PDE12: variants seen among roughly 807,000 people sequenced by gnomAD.
The protein encoded by PDE12 is phosphodiesterase 12.
A neutral mutation model predicts 45.4 loss-of-function variants in PDE12; 26 were observed. The observed-to-expected ratio is 0.57, with a 90% CI of 0.42 to 0.79. The LOEUF is 0.79. Among genes scored for constraint, PDE12 ranks in the 30% least tolerant of loss-of-function variants. The probability of loss-of-function intolerance (pLI) is 0.00; values close to 1 mark genes in which losing one functional copy is unlikely to be tolerated. For missense variants in PDE12, 668 were observed against 790.0 expected, an observed-to-expected ratio of 0.85 and a Z score of 1.85; for synonymous variants, 283 against 323.9, an observed-to-expected ratio of 0.87 and a Z score of 1.36.
chr3:57,570,219 G>GTTTTTTTTTTTTTTTTTTTTTTTTTT (rs34599005), downstream of PDE12, among the ~76,000 whole-genome samples: 3 of 102,312 alleles, frequency 2.9e-5, no homozygotes, highest in African/African-American at 1.2e-4. Flanking sequence ...TTAATCCAGT[G>GTTTTTTTTTTTTTTTTTTTTTTTTTT]TTTTTTTTTT....
the PDE12 span, chr3:57,596,857 G>A: frequency 5.1e-3 from 2,756 of 540,244 alleles, 36 homozygotes; most frequent in African/African-American, 0.031. Context: ...AATCTTGCCC[G>A]AAGCCCTGTC....
the PDE12 span, among the ~76,000 whole-genome samples, chr3:57,593,320 G>A: frequency 6.6e-6 from 1 of 152,052 alleles, no homozygotes; most frequent in African/African-American, 2.4e-5. Flanking sequence ...GTAACAGAAG[G>A]AACACATACT....
At chr3:57,641,736 A>G in the PDE12 span, 11 of 1,613,210 alleles carry the variant, frequency 6.8e-6, no homozygotes, top group Non-Finnish European at 9.3e-6. Context: ...TACTCCTAAT[A>G]TAACTGAGGG....
the PDE12 span, among the ~76,000 whole-genome samples, chr3:57,645,226 G>A: frequency 2.6e-5 from 4 of 152,096 alleles, no homozygotes; most frequent in African/African-American, 9.7e-5. Flanking sequence ...ACTTTGTGAG[G>A]CTGAGGCAGG....
the PDE12 span, among the ~76,000 whole-genome samples, chr3:57,593,985 A>G: frequency 3.5e-4 from 54 of 152,276 alleles, no homozygotes; most frequent in South Asian, 0.01. Flanking sequence ...GCTGGGTGTG[A>G]TGGCTCATGC....
chr3:57,574,686 T>C, the PDE12 span, among the ~76,000 whole-genome samples: 1 of 151,952 alleles, frequency 6.6e-6, no homozygotes, highest in East Asian at 1.9e-4. Flanking sequence ...GGATTACGGG[T>C]GTGAGCCGTG....
chr3:57,576,492 GT>G, the PDE12 span, among the ~76,000 whole-genome samples: 1 of 144,336 alleles, frequency 6.9e-6, no homozygotes, highest in African/African-American at 2.6e-5. Flanking sequence ...TGTGAAGTAT[GT>G]CTCAACCAAG....
chr3:57,634,412 G>A, the PDE12 span: 1 of 356,536 alleles, frequency 2.8e-6, no homozygotes, highest in East Asian at 4.9e-5. Context: ...CAGCCTGGGT[G>A]ATAGAGTGAG....
At chr3:57,629,376 T>G in the PDE12 span, among the ~76,000 whole-genome samples, 2 of 152,116 alleles carry the variant, frequency 1.3e-5, no homozygotes, top group South Asian at 2.1e-4. Flanking sequence ...AGTAGAAAGT[T>G]AACACTGAGG....
chr3:57,632,157 C>T, the PDE12 span, among the ~76,000 whole-genome samples: 1 of 149,752 alleles, frequency 6.7e-6, no homozygotes, highest in Non-Finnish European at 1.5e-5. Flanking sequence ...GCAGCTGGGA[C>T]TACAGGTGCG....
At chr3:57,643,949 G>A in the PDE12 span, among the ~76,000 whole-genome samples, 3 of 151,266 alleles carry the variant, frequency 2.0e-5, no homozygotes, top group Non-Finnish European at 2.9e-5. Flanking sequence ...AGGAGTTCAA[G>A]ACCAGTCTGG....
At position 57,556,323 on chromosome 3, in the gene PDE12, C is replaced by T. The variant is rs2069656902; in HGVS notation, c.-57C>T. Reference sequence around the variant, plus strand: ...GGCGGCCTCGGCTCCTCAGCTCCACCTGACAGTAGGCCGCTGATCGGCCGC... The same window carrying T: ...GGCGGCCTCGGCTCCTCAGCTCCACTTGACAGTAGGCCGCTGATCGGCCGC... On this transcript the variant is annotated 5_prime_UTR_variant, in exon 1 of 3. Transcript: ENST00000311180. The surrounding 1 kb of genome is among the most constrained non-coding windows in gnomAD (Gnocchi z 5.0). 1.3e-5 allele frequency: 19 copies of T among 1,489,510 alleles called. No individual in the cohort carries two copies. The highest frequency in any genetic ancestry group is 2.6e-5 in the South Asian group (2 of 78,018). 92.3% of individuals were successfully genotyped at this position (1,489,510 alleles called of 1,614,324 possible).
chr3:57,620,544 A>G, the PDE12 span, among the ~76,000 whole-genome samples: 1 of 152,218 alleles, frequency 6.6e-6, no homozygotes, highest in African/African-American at 2.4e-5. Context: ...AACAGTCTTT[A>G]TTCACAGATG....
chr3:57,584,368 CT>C, the PDE12 span: 1 of 1,571,170 alleles, frequency 6.4e-7, no homozygotes, highest in African/African-American at 1.4e-5. Flanking sequence ...ATAAAGTCAT[CT>C]GTAAACTTTC....
chr3:57,620,273 G>A, the PDE12 span, among the ~76,000 whole-genome samples: 5 of 151,932 alleles, frequency 3.3e-5, no homozygotes, highest in South Asian at 2.1e-4. Context: ...ACAAAGAGCC[G>A]GACAAAGTGG....
At chr3:57,631,287 C>G in the PDE12 span, 56 of 220,836 alleles carry the variant, frequency 2.5e-4, no homozygotes, top group Middle Eastern at 3.2e-3. Flanking sequence ...ACCTCTGCCC[C>G]CCGGGTTCAA....
the PDE12 span, among the ~76,000 whole-genome samples, chr3:57,644,701 G>GGAAAGACAGAAAGAAAAGGAAA: frequency 1.4e-5 from 1 of 69,186 alleles, no homozygotes; most frequent in Non-Finnish European, 2.9e-5. Context: ...GAGGGGAGGG[G>GGAAAGACAGAAAGAAAAGGAAA]AGGGGAGGGG....
At chr3:57,603,141 T>A in the PDE12 span, among the ~76,000 whole-genome samples, 4 of 151,588 alleles carry the variant, frequency 2.6e-5, no homozygotes, top group African/African-American at 9.7e-5. Flanking sequence ...CACTCTAGCC[T>A]GGGCAACACA....
At chr3:57,584,735 G>A in the PDE12 span, among the ~76,000 whole-genome samples, 5 of 152,170 alleles carry the variant, frequency 3.3e-5, no homozygotes, top group South Asian at 2.1e-4. Flanking sequence ...CTAGCTTTGC[G>A]ACAAACTAGT....
Sources: gnomAD v4.1 joint callset for allele counts (sites outside exome capture counted in the v4.1 genomes callset) on GRCh38, gnomAD v4.1.1 for gene constraint, Gnocchi (gnomAD v3.1) non-coding constraint, MANE v1.5 for transcripts, NCBI Gene and HGNC (gene_info 2026-07-23, HGNC 2026-07-21) for gene names.